Variants in NFATC1 observed in about 807,000 individuals in gnomAD.
NFATC1 encodes nuclear factor of activated T cells 1, also known as nuclear factor of activated T-cells, cytoplasmic 1.
NFATC1 carries 22 observed loss-of-function variants against 76.0 expected under a neutral mutation model. The observed-to-expected ratio is 0.29, with a 90% CI of 0.21 to 0.41. The LOEUF is 0.41. Ranked by LOEUF, NFATC1 falls within the 10% of genes least tolerant of loss-of-function variation. The pLI is 1.00. For synonymous variants in NFATC1, 704 were observed against 613.1 expected (o/e 1.15, Z -2.19); for missense variants, 1,357 against 1,337.7 (o/e 1.01, Z -0.23).
At position 79,433,627 on chromosome 18, in the gene NFATC1, G is replaced by T; in HGVS notation, c.1275G>T (p.Pro425=). The T allele has an allele frequency of 1.2e-6, 2 of 1,612,994 alleles. No homozygotes were observed. Among genetic ancestry groups the T allele is most frequent in the Non-Finnish European group, 1.7e-6 (2 of 1,179,914 alleles). Residue 425 remains proline, a synonymous_variant, in exon 3 of 10, where the codon CCG becomes CCT. Transcript: ENST00000427363. ...GGCAGCTGCCGTCCCACTCAGGCCC[G>T]TATGAGCTTCGGATTGAGGTGCAGC... is the stretch of plus-strand genomic sequence containing the variant. ...LDWQLPSHSG[P]YELRIEVQPK...
At chr18:79,518,930 A>C (rs2090448678) in intron 9 of NFATC1, among the ~76,000 whole-genome samples, 1 of 152,222 alleles carries the variant, frequency 6.6e-6, no homozygotes, top group South Asian at 2.1e-4. Flanking sequence ...TCCGTGTGAG[A>C]TGCTGAAGAG....
Position 79,527,634 on chromosome 18 carries a change from C to T in NFATC1, c.*57C>T, listed in dbSNP as rs966967486. 1 of 1,506,272 alleles carries T rather than the reference C, an allele frequency of 6.6e-7. No homozygotes were observed. Among genetic ancestry groups the T allele is most frequent in the Non-Finnish European group, 9.2e-7 (1 of 1,084,372 alleles). The allele number at this position is 1,506,272 out of a possible 1,614,324, so 93.3% of individuals were successfully genotyped here. A position where few individuals can be genotyped will look rare whatever the true frequency, so the allele number is the denominator to read the frequency against. Reference sequence around the variant, plus strand: ...GTATGCTGACTTCAGCAGACAAAGACTTTTGAATAAATAAACTGAACTCAC... The same window carrying T: ...GTATGCTGACTTCAGCAGACAAAGATTTTTGAATAAATAAACTGAACTCAC... On this transcript the variant is annotated 3_prime_UTR_variant, in exon 10 of 10. Coordinates refer to ENST00000427363, the MANE Select transcript of NFATC1 (RefSeq NM_001278669.2).
chr18:79,406,750 G>A (rs1455489310), intron 1 of NFATC1, among the ~76,000 whole-genome samples: 5 of 152,034 alleles, frequency 3.3e-5, no homozygotes, highest in African/African-American at 9.7e-5. Flanking sequence ...GCAGGCCTGC[G>A]CTCGACAAAA....
Position 79,499,126 on chromosome 18 carries a change from G to C in NFATC1, c.2782+12189G>C, listed in dbSNP as rs1487630136. The stretch of plus-strand genomic sequence containing the variant: ...TTTTCTTCTCTGAACTGATGTAAAA[G>C]GAAACTGCATAAGACACGATTGCAA... On this transcript the variant is annotated intron_variant, in intron 9 of 9. Coordinates refer to ENST00000427363, the MANE Select transcript of NFATC1 (RefSeq NM_001278669.2). Among the ~76,000 whole-genome samples, 5 of 152,308 alleles carry C rather than the reference G, an allele frequency of 3.3e-5. No homozygotes were observed. In the East Asian group the frequency reaches 9.6e-4, roughly 29 times the overall value.
chr18:79,419,832 C>G (rs1264698039), intron 2 of NFATC1, among the ~76,000 whole-genome samples: 3 of 152,222 alleles, frequency 2.0e-5, no homozygotes, highest in Admixed American at 6.5e-5. Flanking sequence ...CTTCCTCCCT[C>G]GGGATTAAAC....
chr18:79,414,972 G>A (rs189998015), intron 2 of NFATC1, among the ~76,000 whole-genome samples: 31 of 152,290 alleles, frequency 2.0e-4, no homozygotes, highest in African/African-American at 7.0e-4. Context: ...CATATTGACC[G>A]ACAGGAACTA....
chr18:79,427,573 C>G (rs1295127036), intron 2 of NFATC1, among the ~76,000 whole-genome samples: 58 of 5,028 alleles, frequency 0.012, no homozygotes, highest in Admixed American at 0.022. Flanking sequence ...TGCAGTGGGT[C>G]GGGGGGAGCT....
intron 1 of NFATC1, among the ~76,000 whole-genome samples, chr18:79,401,139 G>GTGGGCACCCCTGGGCC (rs1289384675): frequency 3.0e-4 from 41 of 137,992 alleles, no homozygotes; most frequent in Non-Finnish European, 4.9e-4. Context: ...AGTGAGTGGG[G>GTGGGCACCCCTGGGCC]TGGGCACCCC....
intron 9 of NFATC1, among the ~76,000 whole-genome samples, chr18:79,521,109 GTGT>G (rs2090541597): frequency 1.9e-5 from 2 of 106,264 alleles, no homozygotes; most frequent in Non-Finnish European, 3.8e-5. Context: ...GTCTGTGTGT[GTGT>G]GGGGGGCGTC....
chr18:79,397,695 T>C (rs1442158355), intron 1 of NFATC1, among the ~76,000 whole-genome samples: 1 of 152,194 alleles, frequency 6.6e-6, no homozygotes, highest in Admixed American at 6.5e-5. Flanking sequence ...TACGCCGCAG[T>C]GTTCATTATC....
At chr18:79,449,158 C>A (rs1456062764) in intron 4 of NFATC1, among the ~76,000 whole-genome samples, 174 bp downstream of exon 4, 1 of 152,192 alleles carries the variant, frequency 6.6e-6, no homozygotes, top group Non-Finnish European at 1.5e-5. Context: ...AATGGATTTG[C>A]TTCTCTCTAG....
intron 2 of NFATC1, among the ~76,000 whole-genome samples, chr18:79,429,313 C>T (rs1177944319): frequency 2.0e-5 from 3 of 150,312 alleles, no homozygotes; most frequent in East Asian, 1.9e-4. Flanking sequence ...ACCGGGTGGA[C>T]GTTCGTCGGT....
intron 2 of NFATC1, among the ~76,000 whole-genome samples, chr18:79,433,301 T>C (rs1600698831): frequency 6.6e-6 from 1 of 152,110 alleles, no homozygotes; most frequent in Non-Finnish European, 1.5e-5. Flanking sequence ...CCTGTCTTAC[T>C]GGAGGGTTAA....
At chr18:79,491,724 T>A (rs1215554957) in intron 9 of NFATC1, among the ~76,000 whole-genome samples, 1 of 152,202 alleles carries the variant, frequency 6.6e-6, no homozygotes, top group Non-Finnish European at 1.5e-5. Flanking sequence ...GGTGCAGATT[T>A]AGTCTCCAGC....
intron 8 of NFATC1, chr18:79,467,871 G>T: frequency 1.7e-6 from 2 of 1,190,342 alleles, no homozygotes; most frequent in Non-Finnish European, 1.0e-6. Flanking sequence ...GGAAAACATG[G>T]CTCTTCTGCT....
chr18:79,470,061 C>G, intron 8 of NFATC1: 1 of 963,244 alleles, frequency 1.0e-6, no homozygotes, highest in South Asian at 4.8e-5. Flanking sequence ...CACTTCCTGC[C>G]TCTGCAACCC....
chr18:79,473,187 C>T (rs2088856545), intron 8 of NFATC1, among the ~76,000 whole-genome samples: 1 of 152,378 alleles, frequency 6.6e-6, no homozygotes, highest in Non-Finnish European at 1.5e-5. Flanking sequence ...ATTCTGGGAG[C>T]CCAGCTGCCG....
intron 9 of NFATC1, chr18:79,496,760 C>CGTGTA (rs1197192309): frequency 1.3e-5 from 2 of 152,258 alleles, no homozygotes; most frequent in Non-Finnish European, 2.9e-5. Flanking sequence ...TCGTCCTGGA[C>CGTGTA]GTGTAGCCTT....
intron 3 of NFATC1, among the ~76,000 whole-genome samples, chr18:79,445,188 A>C (rs947144928): frequency 6.6e-6 from 1 of 152,128 alleles, no homozygotes; most frequent in Non-Finnish European, 1.5e-5. Context: ...GATTTTTCTT[A>C]CAAGTACCGT....
Sources: allele counts gnomAD v4.1 joint callset (sites outside exome capture counted in the v4.1 genomes callset), GRCh38; gene constraint gnomAD v4.1.1; transcripts MANE v1.5; gene names NCBI Gene and HGNC (gene_info 2026-07-23, HGNC 2026-07-21).